The following BRMS1 variants were observed in gnomAD, a reference collection of about 807,000 sequenced individuals.
BRMS1 encodes BRMS1 transcriptional repressor and anoikis regulator.
BRMS1 carries 26 observed loss-of-function variants against 40.4 expected under a neutral mutation model. The ratio of observed to expected loss-of-function variants is 0.64; its 90% confidence interval spans 0.47 to 0.89. The LOEUF (loss-of-function observed/expected upper bound fraction) is 0.89, where lower values mean the gene tolerates loss of function less well. BRMS1 is among the 40% of genes least tolerant of loss of function. The pLI is 0.00. For synonymous variants in BRMS1, 103 were observed against 116.0 expected (o/e 0.89, Z 0.72); for missense variants, 289 against 309.4 (o/e 0.93, Z 0.49).
In BRMS1 at chr11:66,340,792, T is replaced by G; in HGVS notation, c.517A>C (p.Ser173Arg). 1 of 1,612,762 alleles carries G rather than the reference T, an allele frequency of 6.2e-7. No individual in the cohort carries two copies. Among genetic ancestry groups the G allele is most frequent in the Non-Finnish European group, 8.5e-7 (1 of 1,179,920 alleles). ...CGCTTACCAGAGCTGAGGTCCAGGC[T>G]CTGGCGGTCCTCCTCCAGCCTCTGG... The part of the protein sequence containing the change: ...RIQRLEEDRQ[S>R]LDLSSEWWDD... The change falls in exon 6 of 10, where the codon AGC becomes CGC. Residue 173 changes from serine to arginine, a missense_variant. Transcript: ENST00000359957.
Position 66,337,599 on chromosome 11 carries a change from A to T in BRMS1, c.*283T>A. 1 of 1,257,148 alleles carries T rather than the reference A, an allele frequency of 8.0e-7. No homozygotes were observed. The highest frequency in any genetic ancestry group is 1.1e-6 in the Non-Finnish European group (1 of 917,700). The allele number at this position is 1,257,148 out of a possible 1,614,324, so 77.9% of individuals were successfully genotyped here. ...TCTTCTCTGTCAGGGGAGCCCCAAGAGATGGATCTTCAGGAGTGGGAGGTG... is the reference window on the plus strand; with the variant it reads ...TCTTCTCTGTCAGGGGAGCCCCAAGTGATGGATCTTCAGGAGTGGGAGGTG... On this transcript the variant is annotated 3_prime_UTR_variant, in exon 10 of 10. Transcript: ENST00000359957.
chr11:66,337,621 G>A lies in BRMS1; in HGVS notation c.*261C>T. Reference sequence around the variant, plus strand: ...AAGAGATGGATCTTCAGGAGTGGGAGGTGGCAGGCGGCTCAGGGATGGAGA... The same window carrying A: ...AAGAGATGGATCTTCAGGAGTGGGAAGTGGCAGGCGGCTCAGGGATGGAGA... On this transcript the variant is annotated 3_prime_UTR_variant, in exon 10 of 10. Transcript: ENST00000359957. The A allele has an allele frequency of 7.1e-7, 1 of 1,410,318 alleles. No homozygotes were observed. The highest frequency in any genetic ancestry group is 2.5e-5 in the East Asian group (1 of 39,754). 87.4% of individuals were successfully genotyped at this position (1,410,318 alleles called of 1,614,324 possible). A position where few individuals can be genotyped will look rare whatever the true frequency, so the allele number is the denominator to read the frequency against.
At chr11:66,338,210 C>T (rs1434080586) in intron 9 of BRMS1, 33 bp downstream of exon 9, 6 of 1,607,044 alleles carry the variant, frequency 3.7e-6, no homozygotes, top group Non-Finnish European at 4.3e-6. Context: ...GGCAAGGGGG[C>T]AGGGAAGGCC....
Position 66,342,218 on chromosome 11 carries a change from G to A in BRMS1, c.17C>T (p.Pro6Leu), listed in dbSNP as rs201559182. 39 of 1,613,318 alleles carry A rather than the reference G, an allele frequency of 2.4e-5. No individual in the cohort carries two copies. Among genetic ancestry groups the A allele is most frequent in the Non-Finnish European group, 3.4e-6 (4 of 1,180,008 alleles). Residue 6 changes from proline to leucine, a missense_variant, in exon 2 of 10, where the codon CCA (proline) becomes CTA (leucine). By Grantham distance (98) the Pro-to-Leu change is moderately conservative. Transcript: ENST00000359957. ...TTCCATCTCTTCTGTGTCTTTGCTT[G>A]GAGGCTGGACAGGCATCTGGACTCT... Reference protein sequence around the residue: MPVQPPSKDTEEMEAE... With the variant: MPVQPLSKDTEEMEAE...
At chr11:66,344,209 G>A (rs1855152360) in intron 1 of BRMS1, among the ~76,000 whole-genome samples, 1 of 152,206 alleles carries the variant, frequency 6.6e-6, no homozygotes, top group Non-Finnish European at 1.5e-5. Context: ...TGGAGGATTT[G>A]CAAATACAAA....
Position 66,340,106 on chromosome 11 carries a change from T to C in BRMS1, c.628+15A>G, listed in dbSNP as rs776014787. On this transcript the variant is annotated intron_variant, in intron 7 of 9. Coordinates refer to ENST00000359957, the MANE Select transcript of BRMS1 (RefSeq NM_015399.4). ...CATCCTGCCCACTTTTAGGCCACCT[T>C]GGGTGAAAGGATACCAGAAACCAGA... The C allele has an allele frequency of 5.6e-6, 9 of 1,612,688 alleles. No individual in the cohort carries two copies. The South Asian group carries it at 9.9e-5, about 18-fold the overall frequency.
rs75928472 is a variant in BRMS1, at chr11:66,339,720, C to T, written c.628+401G>A. 9.5e-3 allele frequency: 1,571 copies of T among 165,902 alleles called. 10 individuals are homozygous for T. Among genetic ancestry groups the T allele is most frequent in the Non-Finnish European group, 0.016 (1,247 of 75,656 alleles). 10.3% of individuals were successfully genotyped at this position (165,902 alleles called of 1,614,324 possible). A position where few individuals can be genotyped will look rare whatever the true frequency, so the allele number is the denominator to read the frequency against. The stretch of plus-strand genomic sequence containing the variant: ...CAAGCAATCCTCTTACCTCAGCCTT[C>T]AGAGTAGCTGGGACTATAGGTGCAC... On this transcript the variant is annotated intron_variant, in intron 7 of 9. Transcript: ENST00000359957.
At chr11:66,342,287 G>A (rs1200132978) in intron 1 of BRMS1, 46 bp from the exon 2 acceptor site, 8 of 1,599,676 alleles carry the variant, frequency 5.0e-6, no homozygotes, top group East Asian at 2.2e-5. Context: ...CCACAGCTCA[G>A]AGGGGGAAAG....
At chr11:66,340,924 C>G in intron 5 of BRMS1, 43 bp downstream of exon 5, 1 of 1,613,530 alleles carries the variant, frequency 6.2e-7, no homozygotes. Flanking sequence ...CCACTTCAGG[C>G]TTTGTGCCCT....
Position 66,342,134 on chromosome 11 carries a change from C to T in BRMS1, c.101G>A (p.Arg34Gln), listed in dbSNP as rs765067003. 5.0e-6 allele frequency: 8 copies of T among 1,613,670 alleles called. No homozygotes were observed. The East Asian group carries it at 6.7e-5, about 13-fold the overall frequency. The change falls in exon 2 of 10, where the codon CGG becomes CAG. Residue 34 changes from arginine (R) to glutamine (Q), a missense_variant. Arg to Gln is a conservative substitution (Grantham distance 43, BLOSUM62 1). Transcript: ENST00000359957. ...TTCTGACTCTGTCTGGCTGCCGCTC[C>T]GCTCCTCCTCACTCTCTTCCTCCTC... ...NGEEEESEEE[R>Q]SGSQTESEEE...
intron 9 of BRMS1, 56 bp from the exon 10 acceptor site, chr11:66,337,945 A>C: frequency 6.4e-7 from 1 of 1,566,890 alleles, no homozygotes; most frequent in Non-Finnish European, 8.7e-7. Context: ...GAAAGGAAGG[A>C]GGCAGCCACT....
At chr11:66,340,076 C>G (rs754725909) in intron 7 of BRMS1, 45 bp downstream of exon 7, 1 of 1,558,352 alleles carries the variant, frequency 6.4e-7, no homozygotes. Flanking sequence ...TGGAGTTGAC[C>G]CTTACATCCT....
At position 66,337,867 on chromosome 11, in the gene BRMS1, C is replaced by T; in HGVS notation, c.*15G>A. 6.2e-7 allele frequency: 1 copy of T among 1,614,072 alleles called. No individual in the cohort carries two copies. The highest frequency in any genetic ancestry group is 8.5e-7 in the Non-Finnish European group (1 of 1,179,952). ...CCAGCTGCTCTGAGGGTCCCCCTGG[C>T]TGTGAACAGCAGGGTCAAGGTCCTG... On this transcript the variant is annotated 3_prime_UTR_variant, in exon 10 of 10. Coordinates refer to ENST00000359957, the MANE Select transcript of BRMS1 (RefSeq NM_015399.4).
intron 7 of BRMS1, among the ~76,000 whole-genome samples, chr11:66,339,018 C>T (rs1452293872): frequency 6.6e-6 from 1 of 152,176 alleles, no homozygotes; most frequent in African/African-American, 2.4e-5. Context: ...TCACCCTCAC[C>T]TCGTCTTAGG....
At chr11:66,339,982 G>A (rs545888606) in intron 7 of BRMS1, 139 bp downstream of exon 7, 3 of 654,396 alleles carry the variant, frequency 4.6e-6, no homozygotes, top group South Asian at 3.6e-5. Flanking sequence ...GATTTGCCTG[G>A]ACATATTCAC....
intron 6 of BRMS1, 143 bp from the exon 7 acceptor site, chr11:66,340,356 G>T (rs1855038953): frequency 1.5e-6 from 1 of 652,320 alleles, no homozygotes; most frequent in South Asian, 1.8e-5. Flanking sequence ...AAGCCCCTTA[G>T]GGCTGTTCAG....
intron 7 of BRMS1, among the ~76,000 whole-genome samples, chr11:66,339,468 A>C (rs943173532): frequency 1.3e-5 from 2 of 152,202 alleles, no homozygotes; most frequent in Non-Finnish European, 2.9e-5. Flanking sequence ...CCAGGGTAAG[A>C]CCAGAAGAGG....
chr11:66,344,623 C>T (rs963182887), intron 1 of BRMS1: 9 of 152,314 alleles, frequency 5.9e-5, no homozygotes, highest in Non-Finnish European at 1.3e-4. Flanking sequence ...CATTCCTGCT[C>T]TGAGTGTTGA....
Position 66,340,955 on chromosome 11 carries a change from A to T in BRMS1, c.438+12T>A, listed in dbSNP as rs778117001. ...GCCCTGCCTCACCCCCAGTGTGCCCAATCAGGCCCACCTCCAGGTGCTGTT... is the reference window on the plus strand; with the variant it reads ...GCCCTGCCTCACCCCCAGTGTGCCCTATCAGGCCCACCTCCAGGTGCTGTT... On this transcript the variant is annotated intron_variant, in intron 5 of 9. Coordinates refer to ENST00000359957, the MANE Select transcript of BRMS1 (RefSeq NM_015399.4). 2.5e-5 allele frequency: 41 copies of T among 1,613,942 alleles called. No homozygotes were observed. Among genetic ancestry groups the T allele is most frequent in the Non-Finnish European group, 3.4e-5 (40 of 1,179,962 alleles).
Sources: gnomAD v4.1 joint callset for allele counts (sites outside exome capture counted in the v4.1 genomes callset) on GRCh38, gnomAD v4.1.1 for gene constraint, MANE v1.5 for transcripts, NCBI Gene and HGNC (gene_info 2026-07-23, HGNC 2026-07-21) for gene names.